Variants in GRAMD1B observed in about 807,000 individuals in gnomAD.
GRAMD1B encodes the protein protein Aster-B.
Under a neutral mutation model 99.7 loss-of-function variants are expected in GRAMD1B, and 37 were observed. That is an observed-to-expected ratio of 0.37 (90% CI 0.29 to 0.49). The LOEUF is 0.49. GRAMD1B is among the 20% of genes least tolerant of loss of function. The probability of loss-of-function intolerance (pLI) is 0.98; values close to 1 mark genes in which losing one functional copy is unlikely to be tolerated. For synonymous variants in GRAMD1B, 427 were observed against 387.6 expected (o/e 1.10, Z -1.19); for missense variants, 888 against 1,009.2 (o/e 0.88, Z 1.63).
chr11:123,431,457 A>C (rs962500190), intron 1 of GRAMD1B, among the ~76,000 whole-genome samples: 2 of 152,252 alleles, frequency 1.3e-5, no homozygotes, highest in Non-Finnish European at 2.9e-5. Flanking sequence ...AATAATAAAA[A>C]TAATAACAGC....
chr11:123,518,061 T>G (rs2135397047), intron 2 of GRAMD1B, among the ~76,000 whole-genome samples: 1 of 152,276 alleles, frequency 6.6e-6, no homozygotes, highest in Middle Eastern at 3.4e-3. Flanking sequence ...ATGTTTTCTT[T>G]TGTTACGTGT....
intron 1 of GRAMD1B, among the ~76,000 whole-genome samples, chr11:123,453,136 T>C (rs1179108647): frequency 6.6e-6 from 1 of 152,110 alleles, no homozygotes; most frequent in Non-Finnish European, 1.5e-5. Flanking sequence ...AACAGTATCC[T>C]TAGAAGGTTA....
In GRAMD1B at chr11:123,609,776, G is replaced by A. The variant is rs751713764; in HGVS notation, c.1658-19G>A. On this transcript the variant is annotated intron_variant, in intron 12 of 19. Coordinates refer to ENST00000635736, the MANE Select transcript of GRAMD1B (RefSeq NM_001387025.1). ...CTCTGCCCTCCCTTCCTCATTCCAG[G>A]GCTCTCCTCTACCCTTAGATATCAT... 7.3e-7 allele frequency: 1 copy of A among 1,369,970 alleles called. No homozygotes were observed. The highest frequency in any genetic ancestry group is 1.9e-5 in the Admixed American group (1 of 52,786). The allele number at this position is 1,369,970 out of a possible 1,614,324, so 84.9% of individuals were successfully genotyped here.
intron 1 of GRAMD1B, among the ~76,000 whole-genome samples, chr11:123,422,643 A>G (rs189700358): frequency 1.8e-4 from 28 of 152,338 alleles, no homozygotes; most frequent in Non-Finnish European, 1.8e-4. Context: ...TGGAATTCCA[A>G]TAACACACCA....
chr11:123,386,865 G>A (rs1947081968), intron 1 of GRAMD1B, among the ~76,000 whole-genome samples: 1 of 152,200 alleles, frequency 6.6e-6, no homozygotes, highest in South Asian at 2.1e-4. Flanking sequence ...CCTTTCCTTG[G>A]CTGTGAAATA....
At position 123,389,243 on chromosome 11, in the gene GRAMD1B, G is replaced by T. The variant is rs948313907; in HGVS notation, c.-176+30444G>T. Among the ~76,000 whole-genome samples the T allele has an allele frequency of 2.0e-5, 3 of 152,050 alleles. No homozygotes were observed. The East Asian group carries it at 5.8e-4, about 29-fold the overall frequency. ...ACTAAAAATACAAAAAATTAGCCAG[G>T]CCTGGTGGTGGGCACCTGTAGTCCC... On this transcript the variant is annotated intron_variant, in intron 1 of 20. Coordinates refer to the GRAMD1B transcript ENST00000638157.
intron 19 of GRAMD1B, among the ~76,000 whole-genome samples, chr11:123,621,845 A>G (rs1306940742): frequency 9.8e-6 from 1 of 102,262 alleles, no homozygotes; most frequent in Non-Finnish European, 2.1e-5. Flanking sequence ...GGGCTTCCCC[A>G]TGCTAGATTG....
At chr11:123,580,478 T>G (rs1388126791) in intron 3 of GRAMD1B, among the ~76,000 whole-genome samples, 1 of 152,182 alleles carries the variant, frequency 6.6e-6, no homozygotes, top group Admixed American at 6.5e-5. Context: ...CCTTATATTT[T>G]TTGGGCAAGC....
intron 18 of GRAMD1B, 26 bp from the exon 19 acceptor site, chr11:123,619,080 TG>T (rs1285953238): frequency 6.3e-6 from 8 of 1,275,778 alleles, no homozygotes; most frequent in Non-Finnish European, 8.9e-6. Flanking sequence ...CTCCAGCTGC[TG>T]GGGTACCCCT....
At chr11:123,365,277 C>T (rs939133790) in intron 1 of GRAMD1B, among the ~76,000 whole-genome samples, 15 of 150,114 alleles carry the variant, frequency 1.0e-4, no homozygotes, top group East Asian at 1.9e-4. Context: ...TTTTTAACAG[C>T]GTCTCACACC....
intron 15 of GRAMD1B, 165 bp downstream of exon 15, chr11:123,613,029 G>A (rs1953807130): frequency 5.0e-6 from 3 of 599,164 alleles, no homozygotes; most frequent in Middle Eastern, 4.4e-4. Flanking sequence ...ACCAAATTTG[G>A]CATGTATGTG....
chr11:123,383,963 T>C (rs982806050), intron 1 of GRAMD1B, among the ~76,000 whole-genome samples: 13 of 152,200 alleles, frequency 8.5e-5, no homozygotes, highest in Admixed American at 6.5e-4. Flanking sequence ...CTCCACCTCC[T>C]GGGTTCAGGT....
At chr11:123,598,483 CTAGA>C in intron 7 of GRAMD1B, 1 of 1,166,370 alleles carries the variant, frequency 8.6e-7, no homozygotes, top group South Asian at 1.2e-5. Flanking sequence ...ATTTGGGCTT[CTAGA>C]AAAGCAATGT....
Position 123,473,877 on chromosome 11 carries a change from A to G in GRAMD1B, c.375-6939A>G, listed in dbSNP as rs150796226. 1.5e-3 allele frequency among the ~76,000 whole-genome samples: 235 copies of G among 152,346 alleles called. 1 individual carries two copies. Among genetic ancestry groups the G allele is most frequent in the Non-Finnish European group, 2.7e-3 (183 of 68,028 alleles). On this transcript the variant is annotated intron_variant, in intron 1 of 19. Transcript: ENST00000635736. ...TTAGACTTGTCCATACCTGCTTGCC[A>G]GGTGGCACACAGAAACTCCTCCTTT...
At chr11:123,368,784 T>C (rs944347490) in intron 1 of GRAMD1B, among the ~76,000 whole-genome samples, 1 of 142,036 alleles carries the variant, frequency 7.0e-6, no homozygotes, top group African/African-American at 2.6e-5. Flanking sequence ...GCCATTGGAG[T>C]GAAGATTTGG....
rs942985339 is a variant in GRAMD1B, at chr11:123,531,805, G to A, written c.453-45562G>A. 2.7e-5 allele frequency among the ~76,000 whole-genome samples: 4 copies of A among 145,786 alleles called. No homozygotes were observed. The East Asian group carries it at 6.1e-4, about 22-fold the overall frequency. ...GACTGAAGTGCAATGGTGCGATCTC[G>A]GCTCACCTCAACCTCCGCCTCCCGG... is the stretch of plus-strand genomic sequence containing the variant. On this transcript the variant is annotated intron_variant, in intron 2 of 19. Transcript: ENST00000635736.
chr11:123,410,727 A>G (rs980967649), intron 1 of GRAMD1B, among the ~76,000 whole-genome samples: 1 of 152,158 alleles, frequency 6.6e-6, no homozygotes, highest in African/African-American at 2.4e-5. Context: ...TGGCAAAGAG[A>G]ACTTCCAGAT....
intron 1 of GRAMD1B, among the ~76,000 whole-genome samples, chr11:123,415,913 A>T (rs1365190272): frequency 6.6e-6 from 1 of 152,148 alleles, no homozygotes; most frequent in African/African-American, 2.4e-5. Context: ...AAAACCACAT[A>T]TCTGCCATTG....
chr11:123,608,154 A>T (rs1290370991), intron 11 of GRAMD1B: 2 of 238,628 alleles, frequency 8.4e-6, no homozygotes, highest in Non-Finnish European at 1.6e-5. Flanking sequence ...TAGGGATCAC[A>T]GCCTATTGGA....
Sources: allele counts gnomAD v4.1 joint callset (sites outside exome capture counted in the v4.1 genomes callset), GRCh38; gene constraint gnomAD v4.1.1; transcripts MANE v1.5; gene names NCBI Gene and HGNC (gene_info 2026-07-23, HGNC 2026-07-21).